The following RBMS1 variants were observed in gnomAD, a reference collection of about 807,000 sequenced individuals.
RBMS1 encodes the protein RNA binding motif single stranded interacting protein 1.
A neutral mutation model predicts 62.3 loss-of-function variants in RBMS1; 17 were observed. The ratio of observed to expected loss-of-function variants is 0.27; its 90% CI spans 0.19 to 0.41. The LOEUF is 0.41. RBMS1 is among the 10% of genes least tolerant of loss of function. The pLI, the probability that RBMS1 is intolerant of heterozygous loss-of-function variation, is 1.00. For missense variants in RBMS1, 334 were observed against 504.5 expected, an observed-to-expected ratio of 0.66 and a Z score of 3.24; for synonymous variants, 172 against 170.0, an observed-to-expected ratio of 1.01 and a Z score of -0.09.
intron 12 of RBMS1, 87 bp downstream of exon 12, chr2:160,277,216 T>A: frequency 4.1e-6 from 5 of 1,213,066 alleles, no homozygotes; most frequent in Non-Finnish European, 4.8e-6. Context: ...ATATTTGACG[T>A]CTGGTAGATT....
chr2:160,422,817 T>A (rs181079672), intron 1 of RBMS1, among the ~76,000 whole-genome samples: 8 of 152,244 alleles, frequency 5.3e-5, no homozygotes, highest in Non-Finnish European at 1.2e-4. Context: ...CAAATCATAC[T>A]ATGCTAAAAA....
intron 1 of RBMS1, among the ~76,000 whole-genome samples, chr2:160,431,030 C>T (rs915001864): frequency 6.6e-6 from 1 of 150,870 alleles, no homozygotes; most frequent in African/African-American, 2.4e-5. Flanking sequence ...GAGAAAGACA[C>T]TGGATTTTTC....
intron 1 of RBMS1, among the ~76,000 whole-genome samples, chr2:160,389,857 G>A (rs1694769804): frequency 6.6e-6 from 1 of 151,306 alleles, no homozygotes; most frequent in Non-Finnish European, 1.5e-5. Context: ...GGTGGGGAGG[G>A]GAGGAGAGGA....
chr2:160,456,981 A>C (rs754494050), intron 1 of RBMS1, among the ~76,000 whole-genome samples: 10 of 152,190 alleles, frequency 6.6e-5, no homozygotes, highest in Non-Finnish European at 1.3e-4. Context: ...TTCTTTTCTA[A>C]TAAACTTCAG....
intron 2 of RBMS1, among the ~76,000 whole-genome samples, chr2:160,326,741 T>C (rs1367981455): frequency 6.6e-6 from 1 of 152,160 alleles, no homozygotes; most frequent in Non-Finnish European, 1.5e-5. Flanking sequence ...GAAATTACAA[T>C]GAGGGATGAC....
chr2:160,438,190 G>C (rs907035880), intron 1 of RBMS1, among the ~76,000 whole-genome samples: 1 of 151,984 alleles, frequency 6.6e-6, no homozygotes, highest in Non-Finnish European at 1.5e-5. Flanking sequence ...AGACTCCATA[G>C]GGGAATCAAG....
intron 2 of RBMS1, among the ~76,000 whole-genome samples, chr2:160,336,020 T>A (rs1012228692): frequency 3.3e-5 from 5 of 152,208 alleles, no homozygotes; most frequent in African/African-American, 1.2e-4. Flanking sequence ...TATTTTACAC[T>A]GAGCAGCTCA....
At chr2:160,342,794 C>T (rs555864477) in intron 2 of RBMS1, among the ~76,000 whole-genome samples, 160 of 146,194 alleles carry the variant, frequency 1.1e-3, no homozygotes, top group African/African-American at 3.7e-3. Flanking sequence ...AAAAAATAGC[C>T]GGGTACGGTG....
chr2:160,479,091 T>C (rs1685259335), intron 1 of RBMS1, among the ~76,000 whole-genome samples: 1 of 152,218 alleles, frequency 6.6e-6, no homozygotes, highest in East Asian at 1.9e-4. Flanking sequence ...CAGGTAGTGA[T>C]GGCAGGATAG....
At chr2:160,304,790 C>A (rs1206353542) in intron 4 of RBMS1, among the ~76,000 whole-genome samples, 2 of 152,046 alleles carry the variant, frequency 1.3e-5, no homozygotes, top group African/African-American at 2.4e-5. Flanking sequence ...TGACAAAAGT[C>A]AAAAACTTAA....
At chr2:160,393,915 T>C (rs1695000262) in intron 1 of RBMS1, among the ~76,000 whole-genome samples, 1 of 152,222 alleles carries the variant, frequency 6.6e-6, no homozygotes, top group Non-Finnish European at 1.5e-5. Flanking sequence ...CTAAAATAAG[T>C]ACTGGGAAAA....
chr2:160,406,678 G>T lies in RBMS1; in HGVS notation c.76-39287C>A, dbSNP rs1052427414. ...CTGCTGCTGAAAGGCTCTGTGAGAT[G>T]TATCACAACATGGCTTCAGTAACCT... is the stretch of plus-strand genomic sequence containing the variant. On this transcript the variant is annotated intron_variant, in intron 1 of 13. Transcript: ENST00000348849. Among the ~76,000 whole-genome samples the T allele has an allele frequency of 3.9e-4, 60 of 152,214 alleles. 1 individual carries two copies. The highest frequency in any genetic ancestry group is 5.3e-4 in the Non-Finnish European group (36 of 68,044).
Position 160,320,900 on chromosome 2 carries a change from A to G in RBMS1, c.252-2673T>C, listed in dbSNP as rs1690523352. ...AAGTCCTTGACAAAAGCACTTTTAGACTGTATCCCTGTTTCATACTTTTCC... is the reference window on the plus strand; with the variant it reads ...AAGTCCTTGACAAAAGCACTTTTAGGCTGTATCCCTGTTTCATACTTTTCC... On this transcript the variant is annotated intron_variant, in intron 2 of 13. Coordinates refer to ENST00000348849, the MANE Select transcript of RBMS1 (RefSeq NM_016836.4). Among the ~76,000 whole-genome samples, 5 of 152,218 alleles carry G rather than the reference A, an allele frequency of 3.3e-5. No homozygotes were observed. In the Middle Eastern group the frequency reaches 0.01, roughly 311 times the overall value.
chr2:160,472,075 C>A (rs1380332331), intron 1 of RBMS1, among the ~76,000 whole-genome samples: 1 of 152,050 alleles, frequency 6.6e-6, no homozygotes, highest in Non-Finnish European at 1.5e-5. Flanking sequence ...AAATTTCAGA[C>A]AACAGACTAG....
chr2:160,376,845 G>A (rs574139748), intron 1 of RBMS1, among the ~76,000 whole-genome samples: 1 of 152,136 alleles, frequency 6.6e-6, no homozygotes, highest in Admixed American at 6.5e-5. Context: ...TTTCTTTGTA[G>A]AGACTGGATC....
At chr2:160,433,305 C>T (rs1302539840) in intron 1 of RBMS1, among the ~76,000 whole-genome samples, 9 of 152,118 alleles carry the variant, frequency 5.9e-5, no homozygotes, top group Admixed American at 5.9e-4. Context: ...GTCTCAGCTA[C>T]TCGGGAGGCT....
chr2:160,467,491 TA>T (rs776582191), intron 1 of RBMS1, among the ~76,000 whole-genome samples: 48 of 152,168 alleles, frequency 3.2e-4, no homozygotes, highest in Non-Finnish European at 6.6e-4. Context: ...TTAGCAGAAA[TA>T]ACACTGTGAA....
intron 1 of RBMS1, among the ~76,000 whole-genome samples, chr2:160,393,518 C>T (rs62177321): frequency 0.03 from 4,502 of 152,234 alleles, 114 homozygotes; most frequent in Non-Finnish European, 0.044. Flanking sequence ...TGGCTCACAC[C>T]TGTAATCCTA....
intron 2 of RBMS1, among the ~76,000 whole-genome samples, chr2:160,332,590 C>T (rs1691342069): frequency 6.6e-6 from 1 of 152,184 alleles, no homozygotes; most frequent in Admixed American, 6.5e-5. Context: ...CTCCACTGCC[C>T]TGACTTCCTG....
Sources: gnomAD v4.1 joint callset for allele counts (sites outside exome capture counted in the v4.1 genomes callset) on GRCh38, gnomAD v4.1.1 for gene constraint, MANE v1.5 for transcripts, NCBI Gene and HGNC (gene_info 2026-07-23, HGNC 2026-07-21) for gene names.